CACNA1E: variants seen among roughly 807,000 people sequenced by gnomAD.
CACNA1E encodes the protein calcium voltage-gated channel subunit alpha1 E.
A neutral mutation model predicts 259.2 loss-of-function variants in CACNA1E; 40 were observed. That is an observed-to-expected ratio of 0.15 (90% confidence interval 0.12 to 0.20). The LOEUF (loss-of-function observed/expected upper bound fraction) is 0.20, where lower values mean the gene tolerates loss of function less well. CACNA1E is among the 10% of genes least tolerant of loss of function. CACNA1E has a pLI of 1.00. For missense variants in CACNA1E, 1,874 were observed against 3,040.1 expected, an observed-to-expected ratio of 0.62 and a Z score of 9.02; for synonymous variants, 1,104 against 1,138.5, an observed-to-expected ratio of 0.97 and a Z score of 0.61.
intron 2 of CACNA1E, among the ~76,000 whole-genome samples, chr1:181,429,161 A>G (rs897139739): frequency 6.6e-6 from 1 of 152,198 alleles, no homozygotes; most frequent in African/African-American, 2.4e-5. Flanking sequence ...CAACCTGGGC[A>G]ACAGAGTGAG....
upstream of CACNA1E, among the ~76,000 whole-genome samples, chr1:181,480,349 C>T (rs633143): frequency 0.13 from 19,158 of 152,136 alleles, 1,268 homozygotes; most frequent in Middle Eastern, 0.15. Flanking sequence ...TTGGCTGCAC[C>T]CTCCAAGAAT....
intron 1 of CACNA1E, among the ~76,000 whole-genome samples, chr1:181,337,204 G>A (rs1411767766): frequency 1.3e-5 from 2 of 149,386 alleles, no homozygotes; most frequent in Non-Finnish European, 3.0e-5. Flanking sequence ...CGCCCAGGCT[G>A]GAGTGCAGTG....
At chr1:181,346,998 T>G (rs1427287342) in intron 1 of CACNA1E, among the ~76,000 whole-genome samples, 3 of 152,182 alleles carry the variant, frequency 2.0e-5, no homozygotes, top group African/African-American at 7.2e-5. Flanking sequence ...AGGTGCTCAG[T>G]CACTGACTGA....
rs946442481 is a variant in CACNA1E at position 181,717,390 on chromosome 1, C to G, written c.1525+88C>G. ...GTGTGAACGCAAGACAGCAAAGCAC[C>G]CTGCTAGGAAAGGTTCTACCTCTTC... On this transcript the variant is annotated intron_variant, in intron 11 of 47. Coordinates refer to ENST00000367573, the MANE Select transcript of CACNA1E (RefSeq NM_001205293.3). 12 of 1,093,330 alleles carry G rather than the reference C, an allele frequency of 1.1e-5. No homozygotes were observed. In the African/African-American group the frequency reaches 1.9e-4, roughly 17 times the overall value. The allele number at this position is 1,093,330 out of a possible 1,614,324, so 67.7% of individuals were successfully genotyped here.
intron 8 of CACNA1E, among the ~76,000 whole-genome samples, chr1:181,713,216 TG>T (rs565538356): frequency 1.1e-4 from 16 of 152,272 alleles, no homozygotes; most frequent in African/African-American, 3.9e-4. Flanking sequence ...CCATCTGTCC[TG>T]GGGGGTCCCC....
intron 2 of CACNA1E, among the ~76,000 whole-genome samples, chr1:181,453,269 A>G (rs1661271017): frequency 6.6e-6 from 1 of 152,248 alleles, no homozygotes; most frequent in Non-Finnish European, 1.5e-5. Context: ...ATACAGTGAC[A>G]TTACAAGTTA....
chr1:181,471,921 A>T (rs1662535645), intron 2 of CACNA1E, among the ~76,000 whole-genome samples: 1 of 152,174 alleles, frequency 6.6e-6, no homozygotes, highest in Non-Finnish European at 1.5e-5. Context: ...CCCTTTTCTG[A>T]TATCACCACC....
intron 6 of CACNA1E, among the ~76,000 whole-genome samples, chr1:181,597,117 A>C (rs1337669280): frequency 6.6e-6 from 1 of 152,116 alleles, no homozygotes; most frequent in African/African-American, 2.4e-5. Context: ...TGGTTTAATT[A>C]AATTTCTGTT....
chr1:181,573,974 T>C (rs1410876185), intron 3 of CACNA1E, among the ~76,000 whole-genome samples: 4 of 152,140 alleles, frequency 2.6e-5, no homozygotes, highest in African/African-American at 9.7e-5. Flanking sequence ...ATGTCCTTTG[T>C]AGGGACATGG....
chr1:181,752,280 C>A (rs1657661788), intron 27 of CACNA1E, 41 bp downstream of exon 27: 10 of 1,404,234 alleles, frequency 7.1e-6, no homozygotes, highest in Non-Finnish European at 1.0e-5. Flanking sequence ...TCCCCTTCTC[C>A]CATCTTCTCT....
intron 1 of CACNA1E, among the ~76,000 whole-genome samples, chr1:181,389,769 A>T (rs182847887): frequency 5.3e-5 from 8 of 152,324 alleles, no homozygotes; most frequent in Admixed American, 2.0e-4. Flanking sequence ...GGCACTTGCA[A>T]ATCTTTGTTA....
chr1:181,741,503 G>A (rs1190447035), intron 25 of CACNA1E, among the ~76,000 whole-genome samples: 2 of 152,204 alleles, frequency 1.3e-5, no homozygotes, highest in African/African-American at 2.4e-5. Flanking sequence ...GATGCACAAT[G>A]TATACAGATA....
At chr1:181,382,267 G>C (rs1557957652) in intron 1 of CACNA1E, among the ~76,000 whole-genome samples, 4 of 152,196 alleles carry the variant, frequency 2.6e-5, no homozygotes, top group Admixed American at 2.0e-4. Flanking sequence ...AGTGTGGCTA[G>C]AGTTGGTAAG....
Position 181,798,919 on chromosome 1 carries a change from G to T in CACNA1E, c.*85G>T, listed in dbSNP as rs555601667. 2.0e-4 allele frequency: 252 copies of T among 1,240,770 alleles called. 1 individual carries two copies. In the Middle Eastern group the frequency reaches 4.3e-3, roughly 21 times the overall value. The allele number at this position is 1,240,770 out of a possible 1,614,324, so 76.9% of individuals were successfully genotyped here. A position where few individuals can be genotyped will look rare whatever the true frequency, so the allele number is the denominator to read the frequency against. On this transcript the variant is annotated 3_prime_UTR_variant, in exon 48 of 48. Coordinates refer to ENST00000367573, the MANE Select transcript of CACNA1E (RefSeq NM_001205293.3). This position sits in a 1 kb window ranked among gnomAD's most constrained non-coding sequence, Gnocchi z 4.2. Reference sequence around the variant, plus strand: ...TGGGAAGCCAGTGCGGCCCGGGGGGGAGGAAGAGGGAAAAGGAAGATGGAA... The same window carrying T: ...TGGGAAGCCAGTGCGGCCCGGGGGGTAGGAAGAGGGAAAAGGAAGATGGAA...
At chr1:181,654,131 T>C (rs1414701647) in intron 7 of CACNA1E, among the ~76,000 whole-genome samples, 1 of 150,432 alleles carries the variant, frequency 6.6e-6, no homozygotes. Flanking sequence ...ACCATTTCAT[T>C]TACAGAATAA....
chr1:181,540,112 T>C (rs1200875139), intron 3 of CACNA1E, among the ~76,000 whole-genome samples: 1 of 152,162 alleles, frequency 6.6e-6, no homozygotes, highest in Non-Finnish European at 1.5e-5. Flanking sequence ...AGATTGTTTA[T>C]AATAAGGGAG....
Position 181,490,378 on chromosome 1 carries a change from TAA to T in CACNA1E, c.266+6380_266+6381del, listed in dbSNP as rs568341402. Reference sequence around the variant, plus strand: ...TTCCACCCTTAATCCTCTTACTTATTAAAAAAAAAAAAAGGAGCCTCAAATAG... The same window carrying T: ...TTCCACCCTTAATCCTCTTACTTATTAAAAAAAAAAAGGAGCCTCAAATAG... On this transcript the variant is annotated intron_variant, in intron 1 of 47. Coordinates refer to ENST00000367573, the MANE Select transcript of CACNA1E (RefSeq NM_001205293.3). Among the ~76,000 whole-genome samples the T allele has an allele frequency of 3.6e-5, 5 of 139,706 alleles. No individual in the cohort carries two copies. The South Asian group carries it at 6.8e-4, about 19-fold the overall frequency. 91.7% of individuals were successfully genotyped at this position (139,706 alleles called of 152,430 possible).
intron 7 of CACNA1E, among the ~76,000 whole-genome samples, chr1:181,676,498 G>A (rs554497824): frequency 1.3e-5 from 2 of 152,050 alleles, no homozygotes; most frequent in African/African-American, 4.8e-5. Context: ...TGATATTGTT[G>A]CCCACGAGAC....
At chr1:181,349,827 G>A (rs1193015829) in intron 1 of CACNA1E, among the ~76,000 whole-genome samples, 1 of 152,136 alleles carries the variant, frequency 6.6e-6, no homozygotes, top group Non-Finnish European at 1.5e-5. Context: ...AATGTGAAAA[G>A]GAGCAAAGTT....
Sources: gnomAD v4.1 joint callset for allele counts (sites outside exome capture counted in the v4.1 genomes callset) on GRCh38, gnomAD v4.1.1 for gene constraint, Gnocchi (gnomAD v3.1) non-coding constraint, MANE v1.5 for transcripts, NCBI Gene and HGNC (gene_info 2026-07-23, HGNC 2026-07-21) for gene names.